SPG11: variants seen among roughly 807,000 people sequenced by gnomAD.
SPG11 encodes the protein SPG11 vesicle trafficking associated, spatacsin.
In SPG11, 222 loss-of-function variants were observed where a neutral mutation model predicts 274.0. The ratio of observed to expected loss-of-function variants is 0.81; its 90% CI spans 0.73 to 0.91. The LOEUF is 0.91. Among genes scored for constraint, SPG11 ranks in the 40% least tolerant of loss-of-function variants. The pLI, the probability that SPG11 is intolerant of heterozygous loss-of-function variation, is 0.00. For missense variants in SPG11, 3,114 were observed against 2,872.7 expected, an observed-to-expected ratio of 1.08 and a Z score of -1.92; for synonymous variants, 1,144 against 1,039.7, an observed-to-expected ratio of 1.10 and a Z score of -1.93.
At chr15:44,620,601 G>A in intron 14 of SPG11, 198 bp from the exon 15 acceptor site, 1 of 538,592 alleles carries the variant, frequency 1.9e-6, no homozygotes, top group Non-Finnish European at 3.3e-6. Context: ...GAGTGCAGTG[G>A]TGCACTCGTG....
chr15:44,620,040 A>G, intron 15 of SPG11, 150 bp downstream of exon 15: 1 of 711,898 alleles, frequency 1.4e-6, no homozygotes, highest in Admixed American at 2.3e-5. Context: ...TTAAAACCTC[A>G]CTGTAAGATG....
intron 35 of SPG11, among the ~76,000 whole-genome samples, chr15:44,568,572 T>C (rs1410469945): frequency 6.6e-6 from 1 of 152,254 alleles, no homozygotes; most frequent in Non-Finnish European, 1.5e-5. Flanking sequence ...CACACGGGCT[T>C]GCAGAGCCCA....
intron 14 of SPG11, 82 bp from the exon 15 acceptor site, chr15:44,620,485 A>G (rs1402370699): frequency 4.2e-6 from 4 of 948,452 alleles, no homozygotes; most frequent in Non-Finnish European, 6.5e-6. Flanking sequence ...CTGAGTAAAT[A>G]TAACAATCTG....
chr15:44,575,493 CTTT>C (rs35699941), intron 30 of SPG11, among the ~76,000 whole-genome samples: 4 of 138,440 alleles, frequency 2.9e-5, no homozygotes, highest in Admixed American at 7.4e-5. Context: ...CTCCAACATA[CTTT>C]TTTTTTTTTT....
chr15:44,594,961 C>A (rs935892607), intron 26 of SPG11, among the ~76,000 whole-genome samples: 3 of 152,112 alleles, frequency 2.0e-5, no homozygotes, highest in African/African-American at 7.2e-5. Context: ...GGATTACAGG[C>A]CCACGCCACC....
rs758313148 is a variant in SPG11 at position 44,584,052 on chromosome 15, C to T, written c.5628G>A (p.Glu1876=). 14 of 1,614,238 alleles carry T rather than the reference C, an allele frequency of 8.7e-6. No individual in the cohort carries two copies. The highest frequency in any genetic ancestry group is 1.2e-5 in the Non-Finnish European group (14 of 1,180,040). The change falls in exon 30 of 40, where the codon GAG becomes GAA. Residue 1876 remains glutamate, a synonymous_variant. Transcript: ENST00000261866. ...GGCGCCCAATCAAAAAGTTTAGTGA[C>T]TCCTGCTCTTTCCAATCCAATCTAT... ...CENRLDWKEQ[E]SLNFLIGRLL...
At chr15:44,590,721 G>A (rs1042162532) in intron 27 of SPG11, 5 of 152,274 alleles carry the variant, frequency 3.3e-5, no homozygotes, top group South Asian at 2.1e-4. Context: ...AATACTGGGC[G>A]TTTTGGTGGA....
At chr15:44,573,878 CT>C in intron 31 of SPG11, 133 bp from the exon 32 acceptor site, 1 of 831,994 alleles carries the variant, frequency 1.2e-6, no homozygotes, top group Non-Finnish European at 2.0e-6. Context: ...CAGCAGGAAC[CT>C]TAGAAAAAGC....
intron 30 of SPG11, among the ~76,000 whole-genome samples, chr15:44,578,476 C>G (rs1460471060): frequency 1.3e-5 from 2 of 152,016 alleles, no homozygotes; most frequent in African/African-American, 4.8e-5. Flanking sequence ...GTAACTAAAC[C>G]TTCAGCTTTT....
In SPG11 at chr15:44,592,198, G is replaced by T. The variant is rs778651758; in HGVS notation, c.4743+133C>A. On this transcript the variant is annotated intron_variant, in intron 27 of 39. Transcript: ENST00000261866. ...CCCTTGAGCCCAGGAGTTCAAGGCTGTAGTGAGCTGTGATCGTAACACTGT... is the reference window on the plus strand; with the variant it reads ...CCCTTGAGCCCAGGAGTTCAAGGCTTTAGTGAGCTGTGATCGTAACACTGT... 8 of 688,750 alleles carry T rather than the reference G, an allele frequency of 1.2e-5. No individual in the cohort carries two copies. In the African/African-American group the frequency reaches 1.2e-4, roughly 11 times the overall value. 42.7% of individuals were successfully genotyped at this position (688,750 alleles called of 1,614,324 possible). A position where few individuals can be genotyped will look rare whatever the true frequency, so the allele number is the denominator to read the frequency against.
chr15:44,598,006 G>C (rs1013562103), intron 23 of SPG11, among the ~76,000 whole-genome samples: 1 of 152,208 alleles, frequency 6.6e-6, no homozygotes, highest in Non-Finnish European at 1.5e-5. Context: ...GGCAGTGGAG[G>C]AGACAAAGCT....
chr15:44,564,577 T>C lies in SPG11; in HGVS notation c.7121A>G (p.Lys2374Arg). The change falls in exon 39 of 40, where the codon AAG (lysine) becomes AGG (arginine). Residue 2374 changes from lysine (K) to arginine (R), a missense_variant. Coordinates refer to ENST00000261866, the MANE Select transcript of SPG11 (RefSeq NM_025137.4). ...GGAAATCTCTTCAAATATACTGGAC[T>C]TTAATAACCTTTGCTGCTTAAATTC... is the stretch of plus-strand genomic sequence containing the variant. ...LEEFKQQRLL[K>R]SSIFEEISKK... 3 of 1,614,058 alleles carry C rather than the reference T, an allele frequency of 1.9e-6. No individual in the cohort carries two copies. The South Asian group carries it at 3.3e-5, about 18-fold the overall frequency.
chr15:44,575,591 C>G (rs556651688), intron 30 of SPG11, among the ~76,000 whole-genome samples: 2 of 150,772 alleles, frequency 1.3e-5, no homozygotes, highest in Non-Finnish European at 2.9e-5. Context: ...GCCTCCAGGG[C>G]TCAATAGATT....
chr15:44,622,575 G>T, intron 12 of SPG11, 153 bp downstream of exon 12: 1 of 773,870 alleles, frequency 1.3e-6, no homozygotes, highest in South Asian at 1.7e-5. Context: ...AAAGATGAAG[G>T]GGAAAAAAAG....
At chr15:44,638,938 G>A (rs1215395260) in intron 7 of SPG11, among the ~76,000 whole-genome samples, 1 of 151,798 alleles carries the variant, frequency 6.6e-6, no homozygotes, top group Non-Finnish European at 1.5e-5. Flanking sequence ...GGAGGTTTCA[G>A]TGAGCCAAGA....
intron 4 of SPG11, among the ~76,000 whole-genome samples, chr15:44,654,416 G>A (rs747562760): frequency 3.9e-5 from 6 of 152,234 alleles, no homozygotes; most frequent in South Asian, 4.1e-4. Flanking sequence ...GCTGAGACAC[G>A]AGAATCACTT....
intron 2 of SPG11, among the ~76,000 whole-genome samples, chr15:44,660,221 TAA>T (rs200055054): frequency 9.5e-4 from 144 of 152,334 alleles, no homozygotes; most frequent in African/African-American, 2.8e-3. Context: ...TTTTTAGTAT[TAA>T]GTCTTCAAAA....
chr15:44,658,939 C>A, intron 3 of SPG11, 140 bp downstream of exon 3: 1 of 744,516 alleles, frequency 1.3e-6, no homozygotes, highest in Non-Finnish European at 2.3e-6. Context: ...TTATGAGGAT[C>A]TTTTTCCATG....
intron 9 of SPG11, 116 bp downstream of exon 9, chr15:44,629,117 C>T: frequency 8.0e-7 from 1 of 1,251,918 alleles, no homozygotes; most frequent in Middle Eastern, 1.9e-4. Flanking sequence ...ACTGACCTTA[C>T]CCAAATGTAG....
Sources: allele counts gnomAD v4.1 joint callset (sites outside exome capture counted in the v4.1 genomes callset), GRCh38; gene constraint gnomAD v4.1.1; transcripts MANE v1.5; gene names NCBI Gene and HGNC (gene_info 2026-07-23, HGNC 2026-07-21).